CDH13: variants seen among roughly 807,000 people sequenced by gnomAD.
CDH13 encodes cadherin-13.
CDH13 carries 24 observed loss-of-function variants against 63.8 expected under a neutral mutation model. The observed-to-expected ratio is 0.38, with a 90% CI of 0.27 to 0.53. The LOEUF is 0.53. Among genes scored for constraint, CDH13 ranks in the 20% least tolerant of loss-of-function variants. The pLI, the probability that CDH13 is intolerant of heterozygous loss-of-function variation, is 0.85. For synonymous variants in CDH13, 503 were observed against 355.3 expected, an observed-to-expected ratio of 1.42 and a Z score of -4.67; for missense variants, 1,049 against 903.1, an observed-to-expected ratio of 1.16 and a Z score of -2.07.
At chr16:83,135,540 G>A (rs1246270210) in intron 4 of CDH13, among the ~76,000 whole-genome samples, 1 of 152,160 alleles carries the variant, frequency 6.6e-6, no homozygotes, top group Non-Finnish European at 1.5e-5. Context: ...TGTGTCACCT[G>A]CAATTGTACC....
intron 2 of CDH13, among the ~76,000 whole-genome samples, chr16:83,027,108 C>G (rs1160928866): frequency 1.4e-5 from 2 of 143,984 alleles, no homozygotes; most frequent in South Asian, 2.4e-4. Context: ...GGAGACCCCC[C>G]CCCCCCACCG....
intron 1 of CDH13, among the ~76,000 whole-genome samples, chr16:82,718,241 G>A (rs1844131774): frequency 6.6e-6 from 1 of 152,196 alleles, no homozygotes; most frequent in Admixed American, 6.5e-5. Context: ...TATCCCCACT[G>A]AGGAATGAGG....
chr16:82,702,500 T>A (rs578043337), intron 1 of CDH13, among the ~76,000 whole-genome samples: 151 of 152,308 alleles, frequency 9.9e-4, no homozygotes, highest in African/African-American at 3.5e-3. Flanking sequence ...GTTGATTGAT[T>A]CTGGACTTGC....
intron 1 of CDH13, among the ~76,000 whole-genome samples, chr16:82,627,722 G>A (rs1472378949): frequency 6.6e-6 from 1 of 152,090 alleles, no homozygotes; most frequent in Admixed American, 6.5e-5. Flanking sequence ...TGCTGCTGTC[G>A]CTCAAAGGCG....
At chr16:82,778,589 A>AAAAT (rs949460322) in intron 1 of CDH13, among the ~76,000 whole-genome samples, 1 of 151,742 alleles carries the variant, frequency 6.6e-6, no homozygotes, top group African/African-American at 2.4e-5. Context: ...AAAAAAAAAA[A>AAAAT]AAAAGGTCTG....
At chr16:83,473,993 C>G (rs897073920) in intron 6 of CDH13, among the ~76,000 whole-genome samples, 24 of 152,162 alleles carry the variant, frequency 1.6e-4, no homozygotes, top group African/African-American at 5.6e-4. Flanking sequence ...CACTCCTGCA[C>G]CAACTTTTGT....
intron 2 of CDH13, among the ~76,000 whole-genome samples, chr16:82,861,374 A>G (rs986885384): frequency 1.3e-5 from 2 of 152,184 alleles, no homozygotes; most frequent in South Asian, 2.1e-4. Flanking sequence ...ATTGATGTCT[A>G]CACTCTTCAC....
At chr16:83,561,875 A>G (rs955097965) in intron 7 of CDH13, among the ~76,000 whole-genome samples, 1 of 152,208 alleles carries the variant, frequency 6.6e-6, no homozygotes, top group Non-Finnish European at 1.5e-5. Context: ...ATCTGACTAA[A>G]CTGAAGACAG....
intron 7 of CDH13, among the ~76,000 whole-genome samples, chr16:83,500,987 C>G (rs971659250): frequency 3.3e-5 from 5 of 152,130 alleles, no homozygotes; most frequent in African/African-American, 1.2e-4. Flanking sequence ...GGGAAGCATT[C>G]CAAATGTTTT....
At chr16:83,766,330 A>T (rs1914384960) in intron 11 of CDH13, among the ~76,000 whole-genome samples, 1 of 152,238 alleles carries the variant, frequency 6.6e-6, no homozygotes, top group African/African-American at 2.4e-5. Flanking sequence ...TTTGTTTTTT[A>T]AATCAAATTA....
intron 6 of CDH13, among the ~76,000 whole-genome samples, chr16:83,475,267 C>T (rs2073572155): frequency 6.6e-6 from 1 of 152,230 alleles, no homozygotes; most frequent in South Asian, 2.1e-4. Flanking sequence ...CCAGGTCTGG[C>T]CGCTGAAGTG....
At chr16:83,375,197 G>A (rs1430663359) in intron 6 of CDH13, among the ~76,000 whole-genome samples, 1 of 152,192 alleles carries the variant, frequency 6.6e-6, no homozygotes, top group Non-Finnish European at 1.5e-5. Context: ...AAGCTGTTTA[G>A]TTACTTGCGA....
At position 83,323,172 on chromosome 16, in the gene CDH13, TTTTTTCTTTCTTTC is replaced by T. The variant is rs756622091; in HGVS notation, c.637-21686_637-21673del. On this transcript the variant is annotated intron_variant, in intron 5 of 13. Coordinates refer to ENST00000567109, the MANE Select transcript of CDH13 (RefSeq NM_001257.5). ...CTACTTCTTTCTTTCTTTCTCTTTC[TTTTTTCTTTCTTTC>T]TTTCTTTCTTTCTTTCTTTCTTTCT... Among the ~76,000 whole-genome samples the T allele has an allele frequency of 7.7e-3, 485 of 62,916 alleles. 5 individuals carry two copies. The highest frequency in any genetic ancestry group is 9.1e-3 in the African/African-American group (133 of 14,634). 41.3% of individuals were successfully genotyped at this position (62,916 alleles called of 152,430 possible).
intron 8 of CDH13, among the ~76,000 whole-genome samples, chr16:83,609,715 T>C (rs1215833868): frequency 6.6e-6 from 1 of 152,248 alleles, no homozygotes. Context: ...CTAACAGCTT[T>C]ATTGAGATAT....
chr16:83,786,362 A>C lies in CDH13; in HGVS notation c.2134+2890A>C, dbSNP rs953363594. 2.2e-4 allele frequency among the ~76,000 whole-genome samples: 33 copies of C among 152,276 alleles called. 1 individual carries two copies. The highest frequency in any genetic ancestry group is 6.2e-4 in the South Asian group (3 of 4,824). ...TGCTGCACGTCAGAACCACTTAGGAAACATTTTCAAACTACGAATTCCTGA... is the reference window on the plus strand; with the variant it reads ...TGCTGCACGTCAGAACCACTTAGGACACATTTTCAAACTACGAATTCCTGA... On this transcript the variant is annotated intron_variant, in intron 13 of 13. Transcript: ENST00000567109.
intron 4 of CDH13, among the ~76,000 whole-genome samples, chr16:83,191,641 G>T (rs888533401): frequency 6.6e-6 from 1 of 150,392 alleles, no homozygotes; most frequent in African/African-American, 2.4e-5. Context: ...CCATCTGCAA[G>T]CTGAGGAGCA....
intron 4 of CDH13, among the ~76,000 whole-genome samples, chr16:83,196,209 A>C (rs1268483068): frequency 2.6e-5 from 4 of 152,024 alleles, no homozygotes; most frequent in Non-Finnish European, 4.4e-5. Flanking sequence ...TGAGCCTAGA[A>C]CACGCCATTG....
intron 3 of CDH13, among the ~76,000 whole-genome samples, chr16:83,064,073 T>C (rs1408970197): frequency 1.3e-5 from 2 of 152,134 alleles, no homozygotes; most frequent in Non-Finnish European, 2.9e-5. Context: ...GATTTATCAA[T>C]ATAAAGTTAG....
intron 5 of CDH13, among the ~76,000 whole-genome samples, chr16:83,328,003 G>A (rs1344811261): frequency 1.3e-5 from 2 of 151,966 alleles, no homozygotes; most frequent in Middle Eastern, 3.2e-3. Flanking sequence ...TGTGGTGGTG[G>A]GTGCCTGTAG....
Sources: allele counts gnomAD v4.1 joint callset (sites outside exome capture counted in the v4.1 genomes callset), GRCh38; gene constraint gnomAD v4.1.1; transcripts MANE v1.5; gene names NCBI Gene and HGNC (gene_info 2026-07-23, HGNC 2026-07-21).